Variants in ANO3 observed in about 807,000 individuals in gnomAD.
ANO3 encodes anoctamin-3.
A neutral mutation model predicts 144.8 loss-of-function variants in ANO3; 99 were observed. The ratio of observed to expected loss-of-function variants is 0.68; its 90% CI spans 0.58 to 0.81. The LOEUF (loss-of-function observed/expected upper bound fraction) is 0.81. Ranked by LOEUF, ANO3 falls within the 30% of genes least tolerant of loss-of-function variation. ANO3 has a pLI of 0.00. For missense variants in ANO3, 905 were observed against 1,202.2 expected, an observed-to-expected ratio of 0.75 and a Z score of 3.66; for synonymous variants, 414 against 392.6, an observed-to-expected ratio of 1.05 and a Z score of -0.64.
chr11:26,333,439 G>C (rs550925990), intron 1 of ANO3, among the ~76,000 whole-genome samples: 1 of 152,014 alleles, frequency 6.6e-6, no homozygotes, highest in South Asian at 2.1e-4. Context: ...CCGCCACCAA[G>C]CCCAGCTAAT....
chr11:26,383,345 T>G (rs2133952564), intron 1 of ANO3, among the ~76,000 whole-genome samples: 1 of 152,288 alleles, frequency 6.6e-6, no homozygotes, highest in African/African-American at 2.4e-5. Context: ...AAGACCACTC[T>G]GAGAAATGTT....
intron 16 of ANO3, 51 bp from the exon 17 acceptor site, chr11:26,599,499 C>T (rs752441311): frequency 6.4e-7 from 1 of 1,569,140 alleles, no homozygotes; most frequent in South Asian, 1.2e-5. Flanking sequence ...TTGCTTTTGA[C>T]TTGTTAATGA....
intron 4 of ANO3, among the ~76,000 whole-genome samples, chr11:26,467,269 T>G (rs1216062491): frequency 1.3e-5 from 2 of 151,934 alleles, no homozygotes; most frequent in African/African-American, 4.8e-5. Flanking sequence ...ATCCATCACC[T>G]CACGCATTTA....
chr11:26,639,374 C>T (rs555952485), intron 21 of ANO3, 133 bp downstream of exon 21: 3 of 647,716 alleles, frequency 4.6e-6, no homozygotes, highest in Non-Finnish European at 8.2e-6. Flanking sequence ...CTGCTCCTTA[C>T]TAAATGTCTG....
intron 1 of ANO3, among the ~76,000 whole-genome samples, chr11:26,372,440 A>T (rs1856288186): frequency 6.6e-6 from 1 of 152,228 alleles, no homozygotes; most frequent in Non-Finnish European, 1.5e-5. Context: ...TTCATAATGA[A>T]AAGTCAGACC....
intron 1 of ANO3, among the ~76,000 whole-genome samples, chr11:26,240,063 A>G (rs1459697957): frequency 6.6e-6 from 1 of 152,164 alleles, no homozygotes; most frequent in Non-Finnish European, 1.5e-5. Flanking sequence ...AGCCCCACTT[A>G]TTGGGGCAAA....
Position 26,598,872 on chromosome 11 carries a change from C to T in ANO3, c.1545C>T (p.Pro515=), listed in dbSNP as rs1458370257. Residue 515 remains proline (P), a synonymous_variant, in exon 16 of 27, where the codon CCC becomes CCT. Transcript: ENST00000256737. Reference sequence around the variant, plus strand: ...TTCTCTCATAGGAAACACTTCGTCCCCAGTTTGAAGCCAAGTATTACAAGA... The same window carrying T: ...TTCTCTCATAGGAAACACTTCGTCCTCAGTTTGAAGCCAAGTATTACAAGA... ...EWEEEEETLR[P]QFEAKYYKME... 1 of 1,612,816 alleles carries T rather than the reference C, an allele frequency of 6.2e-7. No individual in the cohort carries two copies. Among genetic ancestry groups the T allele is most frequent in the Admixed American group, 1.7e-5 (1 of 59,704 alleles).
At chr11:26,215,919 G>T (rs937494348) in intron 1 of ANO3, among the ~76,000 whole-genome samples, 1 of 151,780 alleles carries the variant, frequency 6.6e-6, no homozygotes, top group Admixed American at 6.6e-5. Flanking sequence ...AAAGTTATCA[G>T]GACTGTTAAC....
intron 1 of ANO3, among the ~76,000 whole-genome samples, chr11:26,283,311 CAAAT>C (rs200363076): frequency 0.036 from 2,583 of 71,294 alleles, 185 homozygotes; most frequent in East Asian, 0.053. Context: ...CCAAAATAAA[CAAAT>C]AAATAAATAT....
upstream of ANO3, chr11:26,332,041 G>T: frequency 2.3e-6 from 3 of 1,313,526 alleles, no homozygotes; most frequent in Non-Finnish European, 3.0e-6. Context: ...GGGATGCGGG[G>T]TTGTTCCCAG....
intron 1 of ANO3, among the ~76,000 whole-genome samples, chr11:26,207,894 T>C (rs1366818172): frequency 1.5e-5 from 2 of 135,208 alleles, no homozygotes; most frequent in Admixed American, 1.5e-4. Context: ...ATATAATAAA[T>C]ATTGTCAGTT....
At chr11:26,371,107 A>T (rs1442461151) in intron 1 of ANO3, among the ~76,000 whole-genome samples, 2 of 152,090 alleles carry the variant, frequency 1.3e-5, no homozygotes, top group Non-Finnish European at 2.9e-5. Context: ...TAGATAGGAA[A>T]ACTCCTTTAG....
Position 26,442,047 on chromosome 11 carries a change from C to A in ANO3, c.176C>A (p.Ser59Ter). 1 of 1,614,198 alleles carries A rather than the reference C, an allele frequency of 6.2e-7. No homozygotes were observed. Among genetic ancestry groups the A allele is most frequent in the South Asian group, 1.1e-5 (1 of 91,080 alleles). Residue 59 changes from serine to a stop codon, truncating the protein, a stop_gained, in exon 2 of 27, where the codon TCA becomes TAA. Coordinates refer to ENST00000256737, the MANE Select transcript of ANO3 (RefSeq NM_031418.4). LOFTEE classifies it high-confidence loss of function. Reference sequence around the variant, plus strand: ...AGCCAGTCTACTTCCCTCTTCCAGTCAACCGAGAGTGAATCTCAGGCTCCC... The same window carrying A: ...AGCCAGTCTACTTCCCTCTTCCAGTAAACCGAGAGTGAATCTCAGGCTCCC... The part of the protein sequence containing the change: ...SLSQSTSLFQ[S>*]TESESQAPTS...
intron 1 of ANO3, among the ~76,000 whole-genome samples, chr11:26,228,419 C>T (rs1852302112): frequency 6.6e-6 from 1 of 152,214 alleles, no homozygotes; most frequent in African/African-American, 2.4e-5. Context: ...AGGTGTAGCA[C>T]TAAAATCTAA....
At chr11:26,517,068 T>C (rs1285565004) in intron 6 of ANO3, 141 bp downstream of exon 6, 4 of 470,016 alleles carry the variant, frequency 8.5e-6, no homozygotes, top group Admixed American at 4.1e-5. Context: ...TGGACAGTTT[T>C]TTTTTCTTCC....
intron 1 of ANO3, among the ~76,000 whole-genome samples, chr11:26,254,933 T>C (rs555686153): frequency 2.6e-4 from 40 of 152,260 alleles, no homozygotes; most frequent in Non-Finnish European, 5.6e-4. Context: ...CCCAATTTTA[T>C]AGATGAAAAA....
chr11:26,427,837 CCTT>C (rs1486440299), intron 1 of ANO3, among the ~76,000 whole-genome samples: 6 of 152,134 alleles, frequency 3.9e-5, no homozygotes, highest in Admixed American at 3.9e-4. Context: ...GCAAACACAT[CCTT>C]CTTCTCATGG....
chr11:26,643,091 T>C (rs989111422), intron 22 of ANO3, 91 bp from the exon 23 acceptor site: 4 of 1,094,048 alleles, frequency 3.7e-6, no homozygotes, highest in African/African-American at 1.6e-5. Flanking sequence ...TTTGTAAGGA[T>C]GTTGAAAGCA....
intron 26 of ANO3, among the ~76,000 whole-genome samples, chr11:26,656,833 A>G (rs568075930): frequency 6.6e-6 from 1 of 152,250 alleles, no homozygotes; most frequent in African/African-American, 2.4e-5. Context: ...ATTCATTGGG[A>G]TGGAAAAAAC....
Sources: gnomAD v4.1 joint callset for allele counts (sites outside exome capture counted in the v4.1 genomes callset) on GRCh38, gnomAD v4.1.1 for gene constraint, MANE v1.5 for transcripts, NCBI Gene and HGNC (gene_info 2026-07-23, HGNC 2026-07-21) for gene names.